The following TBR1 variants were observed in gnomAD, a reference collection of about 807,000 sequenced individuals.
The protein encoded by TBR1 is T-box brain protein 1.
Under a neutral mutation model 60.3 loss-of-function variants are expected in TBR1, and 7 were observed. That is an observed-to-expected ratio of 0.12 (90% CI 0.07 to 0.22). The LOEUF is 0.22. Ranked by LOEUF, TBR1 falls within the 10% of genes least tolerant of loss-of-function variation. The pLI is 1.00. For synonymous variants in TBR1, 417 were observed against 409.9 expected (o/e 1.02, Z -0.21); for missense variants, 616 against 936.8 (o/e 0.66, Z 4.47).
At chr2:161,418,550 A>G (rs1684171804) in intron 3 of TBR1, 1 of 584,238 alleles carries the variant, frequency 1.7e-6, no homozygotes, top group African/African-American at 1.9e-5. Context: ...CTTCCCAAGT[A>G]CTAATACTGA....
Position 161,424,438 on chromosome 2 carries a change from C to G in TBR1, c.*211C>G, listed in dbSNP as rs1356373540. 2.4e-5 allele frequency: 14 copies of G among 580,662 alleles called. No individual in the cohort carries two copies. The South Asian group carries it at 3.2e-4, about 13-fold the overall frequency. The allele number at this position is 580,662 out of a possible 1,614,324, so 36.0% of individuals were successfully genotyped here. A position where few individuals can be genotyped will look rare whatever the true frequency, so the allele number is the denominator to read the frequency against. On this transcript the variant is annotated 3_prime_UTR_variant, in exon 6 of 6. Transcript: ENST00000389554. The surrounding 1 kb of genome is among the most constrained non-coding windows in gnomAD (Gnocchi z 4.4). ...TCTCTGCAATTAGCTCACCGACCTT[C>G]AACTTTGCTGTAAACCTTTTGGTTT...
chr2:161,418,504 C>T (rs1437081043), intron 3 of TBR1, 182 bp downstream of exon 3: 3 of 971,444 alleles, frequency 3.1e-6, no homozygotes, highest in East Asian at 2.8e-5. Flanking sequence ...TTCTCATTGG[C>T]AACACCTCCG....
rs1684299632 is a variant in TBR1 at position 161,425,009 on chromosome 2, G to C, written c.*782G>C. ...ATCCGTTGCATGAAATAATTACTAT[G>C]TGCCCTAATGCACACAAATAGCTAA... On this transcript the variant is annotated 3_prime_UTR_variant, in exon 6 of 6. Coordinates refer to ENST00000389554, the MANE Select transcript of TBR1 (RefSeq NM_006593.4). The C allele has an allele frequency of 6.6e-6, 1 of 152,244 alleles. No individual in the cohort carries two copies. The highest frequency in any genetic ancestry group is 1.5e-5 in the Non-Finnish European group (1 of 68,056). 9.4% of individuals were successfully genotyped at this position (152,244 alleles called of 1,614,324 possible). A position where few individuals can be genotyped will look rare whatever the true frequency, so the allele number is the denominator to read the frequency against.
intron 2 of TBR1, 105 bp from the exon 3 acceptor site, chr2:161,418,096 A>ATGTATG (rs1684162480): frequency 7.1e-7 from 1 of 1,413,534 alleles, no homozygotes; most frequent in South Asian, 1.6e-5. Flanking sequence ...AGGTGTGTGT[A>ATGTATG]TGTGTGTGTG....
Position 161,416,907 on chromosome 2 carries a change from C to A in TBR1, c.497C>A (p.Pro166Gln). 6.2e-7 allele frequency: 1 copy of A among 1,614,066 alleles called. No individual in the cohort carries two copies. The highest frequency in any genetic ancestry group is 1.1e-5 in the South Asian group (1 of 91,066). ...AYNSLLSNSS[P>Q]QGYPTAGYPY... The stretch of plus-strand genomic sequence containing the variant: ...AACAGCCTCCTGTCCAACTCCTCGC[C>A]GCAGGGATACCCCACGGCCGGCTAC... Residue 166 changes from proline (P) to glutamine (Q), a missense_variant, in exon 1 of 6, where the codon CCG becomes CAG. Physicochemically the swap from Pro to Gln is moderately conservative, Grantham distance 76. Transcript: ENST00000389554. The surrounding 1 kb of genome is among the most constrained non-coding windows in gnomAD (Gnocchi z 6.1).
chr2:161,420,409 C>A, intron 5 of TBR1, 152 bp downstream of exon 5: 1 of 271,068 alleles, frequency 3.7e-6, no homozygotes, highest in Non-Finnish European at 6.7e-6. Flanking sequence ...CTTCTTTCTT[C>A]TTCCTCTTCT....
intron 4 of TBR1, 23 bp from the exon 5 acceptor site, chr2:161,420,173 C>T (rs200973809): frequency 1.2e-6 from 2 of 1,604,132 alleles, no homozygotes; most frequent in East Asian, 2.2e-5. Context: ...GGTGAGATAA[C>T]ATTCATTTTT....
At chr2:161,418,814 A>G in intron 3 of TBR1, 78 bp from the exon 4 acceptor site, 1 of 1,515,966 alleles carries the variant, frequency 6.6e-7, no homozygotes, top group Non-Finnish European at 8.8e-7. Context: ...CCGGGCGCGC[A>G]GCCGGGCGCA....
chr2:161,417,554 C>T lies in TBR1; in HGVS notation c.693-122C>T. The stretch of plus-strand genomic sequence containing the variant: ...CCCTTTTTCTAATCCAGCAAATATT[C>T]GCCTATTTGCTGCAAGTACAAGTTT... On this transcript the variant is annotated intron_variant, in intron 1 of 5. Coordinates refer to ENST00000389554, the MANE Select transcript of TBR1 (RefSeq NM_006593.4). The surrounding 1 kb of genome is among the most constrained non-coding windows in gnomAD (Gnocchi z 5.3). 1 of 1,237,140 alleles carries T rather than the reference C, an allele frequency of 8.1e-7. No homozygotes were observed. The highest frequency in any genetic ancestry group is 1.1e-6 in the Non-Finnish European group (1 of 886,224). The allele number at this position is 1,237,140 out of a possible 1,614,324, so 76.6% of individuals were successfully genotyped here. A position where few individuals can be genotyped will look rare whatever the true frequency, so the allele number is the denominator to read the frequency against.
chr2:161,419,236 G>A (rs1684186452), intron 4 of TBR1, 186 bp downstream of exon 4: 1 of 805,652 alleles, frequency 1.2e-6, no homozygotes. Flanking sequence ...ATACCAAGCC[G>A]GTGGGAAAAA....
Position 161,423,776 on chromosome 2 carries a change from G to C in TBR1, c.1598G>C (p.Gly533Ala). The C allele has an allele frequency of 6.8e-7, 1 of 1,479,388 alleles. No individual in the cohort carries two copies. The highest frequency in any genetic ancestry group is 8.9e-7 in the Non-Finnish European group (1 of 1,121,138). 91.6% of individuals were successfully genotyped at this position (1,479,388 alleles called of 1,614,324 possible). A position where few individuals can be genotyped will look rare whatever the true frequency, so the allele number is the denominator to read the frequency against. Residue 533 changes from glycine to alanine, a missense_variant, in exon 6 of 6, where the codon GGC becomes GCC. By Grantham distance (60) the Gly-to-Ala change is moderately conservative. Transcript: ENST00000389554. ...ALPLQAAGCT[G>A]RPLGYYADPS... Reference sequence around the variant, plus strand: ...CCGCTGCAGGCTGCAGGCTGCACTGGCCGCCCGCTCGGCTACTACGCCGAC... The same window carrying C: ...CCGCTGCAGGCTGCAGGCTGCACTGCCCGCCCGCTCGGCTACTACGCCGAC...
intron 5 of TBR1, 26 bp downstream of exon 5, chr2:161,420,283 C>A (rs1346134775): frequency 1.3e-6 from 2 of 1,596,616 alleles, no homozygotes; most frequent in Non-Finnish European, 1.7e-6. Flanking sequence ...TCTTCCTTTT[C>A]AAATAGCTGT....
At chr2:161,420,038 C>T in intron 4 of TBR1, 158 bp from the exon 5 acceptor site, 4 of 467,278 alleles carry the variant, frequency 8.6e-6, no homozygotes, top group African/African-American at 2.0e-5. Context: ...TCTTTTTTTC[C>T]TTTCCACTCA....
chr2:161,419,084 C>T lies in TBR1; in HGVS notation c.1128+34C>T, dbSNP rs762802755. 5 of 1,613,052 alleles carry T rather than the reference C, an allele frequency of 3.1e-6. No individual in the cohort carries two copies. The South Asian group carries it at 4.4e-5, about 14-fold the overall frequency. Reference sequence around the variant, plus strand: ...ACCTAGGGGCTGGGGGCGAGGCGGGCGGCACAGACATCTCTCCCACCCTCT... The same window carrying T: ...ACCTAGGGGCTGGGGGCGAGGCGGGTGGCACAGACATCTCTCCCACCCTCT... On this transcript the variant is annotated intron_variant, in intron 4 of 5. Coordinates refer to ENST00000389554, the MANE Select transcript of TBR1 (RefSeq NM_006593.4).
rs183684634 is a variant in TBR1, at chr2:161,417,212, G to A, written c.692+110G>A. 3.4e-4 allele frequency: 392 copies of A among 1,162,512 alleles called. 1 individual carries two copies. In the African/African-American group the frequency reaches 5.7e-3, roughly 17 times the overall value. The allele number at this position is 1,162,512 out of a possible 1,614,324, so 72.0% of individuals were successfully genotyped here. ...TTTGGGGTCGGGAGCGGAGTGGAAGGCGCCCTAGAGTTGGCTAGTTTTGGA... is the reference window on the plus strand; with the variant it reads ...TTTGGGGTCGGGAGCGGAGTGGAAGACGCCCTAGAGTTGGCTAGTTTTGGA... On this transcript the variant is annotated intron_variant, in intron 1 of 5. Coordinates refer to ENST00000389554, the MANE Select transcript of TBR1 (RefSeq NM_006593.4). The surrounding 1 kb of genome is among the most constrained non-coding windows in gnomAD (Gnocchi z 5.3).
chr2:161,416,482 C>T lies in TBR1; in HGVS notation c.72C>T (p.Tyr24=). The part of the protein sequence containing the change: ...SKKFLNVSSS[Y]PHSGGSELVL... ...AATTTCTCAATGTGAGCAGCAGCTACCCACATTCAGGCGGATCCGAGCTTG... is the reference window on the plus strand; with the variant it reads ...AATTTCTCAATGTGAGCAGCAGCTATCCACATTCAGGCGGATCCGAGCTTG... Residue 24 remains tyrosine, a synonymous_variant, in exon 1 of 6, where the codon TAC becomes TAT. Coordinates refer to ENST00000389554, the MANE Select transcript of TBR1 (RefSeq NM_006593.4). This position sits in a 1 kb window ranked among gnomAD's most constrained non-coding sequence, Gnocchi z 6.1. The T allele has an allele frequency of 6.2e-7, 1 of 1,613,986 alleles. No individual in the cohort carries two copies. The highest frequency in any genetic ancestry group is 8.5e-7 in the Non-Finnish European group (1 of 1,179,908).
rs1267731715 is a variant in TBR1 at position 161,416,741 on chromosome 2, A to G, written c.331A>G (p.Ser111Gly). 6.2e-7 allele frequency: 1 copy of G among 1,614,104 alleles called. No individual in the cohort carries two copies. The highest frequency in any genetic ancestry group is 8.5e-7 in the Non-Finnish European group (1 of 1,180,014). Residue 111 changes from serine to glycine, a missense_variant, in exon 1 of 6, where the codon AGC becomes GGC. Around this residue, in one of 8 missense-constraint regions of TBR1, gnomAD observed 211 missense variants for 268.7 expected, o/e 0.79. Transcript: ENST00000389554. This position sits in a 1 kb window ranked among gnomAD's most constrained non-coding sequence, Gnocchi z 6.1. ...AADRYLLSQSSQPQSAATAPS... is the reference protein window; with the variant it reads ...AADRYLLSQSGQPQSAATAPS... ...AGATCGCTACCTCCTCTCTCAGTCC[A>G]GCCAGCCACAGTCTGCGGCCACTGC... is the stretch of plus-strand genomic sequence containing the variant.
rs549063148 is a variant in TBR1, at chr2:161,421,225, A to T, written c.1190+968A>T. The T allele has an allele frequency of 2.0e-5, 3 of 152,388 alleles. No individual in the cohort carries two copies. The East Asian group carries it at 5.8e-4, about 29-fold the overall frequency. 9.4% of individuals were successfully genotyped at this position (152,388 alleles called of 1,614,324 possible). A position where few individuals can be genotyped will look rare whatever the true frequency, so the allele number is the denominator to read the frequency against. ...ACATTGAGCGCCTGAGACAGAGCTA[A>T]AAAGTTGAAGCTGCCTTTGACTAGC... is the stretch of plus-strand genomic sequence containing the variant. On this transcript the variant is annotated intron_variant, in intron 5 of 5. Transcript: ENST00000389554.
chr2:161,417,028 G>A lies in TBR1; in HGVS notation c.618G>A (p.Val206=). 1.2e-6 allele frequency: 2 copies of A among 1,613,918 alleles called. No individual in the cohort carries two copies. The highest frequency in any genetic ancestry group is 8.5e-7 in the Non-Finnish European group (1 of 1,179,954). Residue 206 remains valine (V), a synonymous_variant, in exon 1 of 6, where the codon GTG becomes GTA. Coordinates refer to ENST00000389554, the MANE Select transcript of TBR1 (RefSeq NM_006593.4). This position sits in a 1 kb window ranked among gnomAD's most constrained non-coding sequence, Gnocchi z 5.3. ...GGCTGGTGCCCGGCAAAGCACAGGT[G>A]TACCTGTGCAACAGGCCCCTTTGGC... ...QPGLVPGKAQ[V]YLCNRPLWLK... is the part of the protein sequence containing the mutation.
Sources: gnomAD v4.1 joint callset for allele counts on GRCh38, gnomAD v4.1.1 for gene constraint, gnomAD v4.1.1 regional missense constraint, Gnocchi (gnomAD v3.1) non-coding constraint, MANE v1.5 for transcripts, NCBI Gene and HGNC (gene_info 2026-07-23, HGNC 2026-07-21) for gene names.